The following PTPRD variants were observed in gnomAD, a reference collection of about 807,000 sequenced individuals.
The protein encoded by PTPRD is protein tyrosine phosphatase receptor type D.
Under a neutral mutation model 214.5 loss-of-function variants are expected in PTPRD, and 34 were observed. That is an observed-to-expected ratio of 0.16 (90% confidence interval 0.12 to 0.21). The LOEUF is 0.21. PTPRD is among the 10% of genes least tolerant of loss of function. The pLI is 1.00. For missense variants in PTPRD, 2,545 were observed against 2,398.7 expected (o/e 1.06, Z -1.27); for synonymous variants, 1,128 against 845.7 (o/e 1.33, Z -5.79).
chr9:9,968,527 T>C lies in PTPRD; in HGVS notation c.-471-29917A>G, dbSNP rs551986194. Among the ~76,000 whole-genome samples, 29 of 152,268 alleles carry C rather than the reference T, an allele frequency of 1.9e-4. No individual in the cohort carries two copies. The South Asian group carries it at 5.4e-3, about 28-fold the overall frequency. On this transcript the variant is annotated intron_variant, in intron 4 of 45. Transcript: ENST00000381196. ...GAGCAACTAGTCAATAATCTTGACATAGTGGTCCAGAGAATGCTGTACTTT... is the reference window on the plus strand; with the variant it reads ...GAGCAACTAGTCAATAATCTTGACACAGTGGTCCAGAGAATGCTGTACTTT...
intron 3 of PTPRD, among the ~76,000 whole-genome samples, chr9:10,305,203 T>G (rs533029571): frequency 1.3e-5 from 2 of 151,986 alleles, no homozygotes; most frequent in Non-Finnish European, 2.9e-5. Context: ...AATAGGCATA[T>G]GCAGAAAAAA....
chr9:10,305,206 A>C (rs1208828881), intron 3 of PTPRD, among the ~76,000 whole-genome samples: 1 of 152,110 alleles, frequency 6.6e-6, no homozygotes, highest in Non-Finnish European at 1.5e-5. Context: ...AGGCATATGC[A>C]GAAAAAACTG....
chr9:8,376,544 C>T (rs2134892501), intron 38 of PTPRD, 63 bp downstream of exon 38: 1 of 1,605,050 alleles, frequency 6.2e-7, no homozygotes, highest in Non-Finnish European at 8.5e-7. Flanking sequence ...TTTCATTTCT[C>T]AAAAGAAGCT....
intron 11 of PTPRD, among the ~76,000 whole-genome samples, chr9:8,780,647 G>C (rs1187762021): frequency 6.6e-6 from 1 of 152,164 alleles, no homozygotes; most frequent in Admixed American, 6.5e-5. Context: ...TCAGTCAGTA[G>C]AATGAAAAAC....
chr9:9,732,940 T>C (rs1001478507), intron 7 of PTPRD, among the ~76,000 whole-genome samples: 14 of 151,806 alleles, frequency 9.2e-5, no homozygotes, highest in Non-Finnish European at 1.9e-4. Context: ...AGAAAAAATA[T>C]AATTTCAAGT....
At chr9:9,961,234 T>C (rs953868765) in intron 4 of PTPRD, among the ~76,000 whole-genome samples, 1 of 152,170 alleles carries the variant, frequency 6.6e-6, no homozygotes, top group Non-Finnish European at 1.5e-5. Context: ...AGGATTACTA[T>C]ATGTATCTTG....
intron 12 of PTPRD, among the ~76,000 whole-genome samples, chr9:8,708,704 A>AAAAAAAC (rs748191308): frequency 4.0e-5 from 5 of 123,668 alleles, no homozygotes; most frequent in Non-Finnish European, 3.4e-5. Context: ...AAAAAAAAAA[A>AAAAAAAC]CAGAGCTACC....
chr9:10,155,856 C>T (rs1592636978), intron 3 of PTPRD, among the ~76,000 whole-genome samples: 1 of 151,950 alleles, frequency 6.6e-6, no homozygotes. Context: ...CAAGTATATC[C>T]TTGAGGATTT....
chr9:9,352,316 T>TAC (rs2051579428), intron 9 of PTPRD, among the ~76,000 whole-genome samples: 1 of 105,368 alleles, frequency 9.5e-6, no homozygotes, highest in African/African-American at 2.9e-5. Flanking sequence ...AAACCATATA[T>TAC]ATATATATAT....
intron 2 of PTPRD, among the ~76,000 whole-genome samples, chr9:10,417,630 G>T (rs1228213417): frequency 3.3e-5 from 5 of 151,562 alleles, no homozygotes; most frequent in African/African-American, 4.8e-5. Flanking sequence ...AATAAATATA[G>T]ATTCTGAAGC....
chr9:9,413,782 G>C (rs1269265656), intron 8 of PTPRD, among the ~76,000 whole-genome samples: 2 of 152,124 alleles, frequency 1.3e-5, no homozygotes, highest in Non-Finnish European at 2.9e-5. Context: ...GGATTGTTAA[G>C]ATAAAATTAG....
chr9:10,006,374 A>G (rs934581565), intron 4 of PTPRD, among the ~76,000 whole-genome samples: 9 of 151,964 alleles, frequency 5.9e-5, no homozygotes, highest in Non-Finnish European at 1.0e-4. Context: ...AAATTATGCT[A>G]TATGCTGATC....
chr9:10,594,325 C>T (rs543215544), intron 2 of PTPRD, among the ~76,000 whole-genome samples: 1 of 152,068 alleles, frequency 6.6e-6, no homozygotes, highest in South Asian at 2.1e-4. Flanking sequence ...GTCCTTATTA[C>T]TGACACTAGA....
intron 4 of PTPRD, among the ~76,000 whole-genome samples, chr9:10,022,947 C>A (rs1490951624): frequency 6.6e-6 from 1 of 152,126 alleles, no homozygotes; most frequent in Non-Finnish European, 1.5e-5. Flanking sequence ...ACATCTTATA[C>A]TGGCTTTATA....
chr9:9,511,726 T>C (rs1453745986), intron 8 of PTPRD, among the ~76,000 whole-genome samples: 5 of 151,826 alleles, frequency 3.3e-5, no homozygotes, highest in African/African-American at 1.2e-4. Context: ...ATTAATACTT[T>C]CAAAATTGCC....
chr9:10,439,514 T>C (rs1012902625), intron 2 of PTPRD, among the ~76,000 whole-genome samples: 4 of 151,798 alleles, frequency 2.6e-5, no homozygotes, highest in African/African-American at 9.7e-5. Flanking sequence ...CTTGGACACA[T>C]ATTTAAGGGT....
chr9:10,020,041 A>G (rs533628856), intron 4 of PTPRD, among the ~76,000 whole-genome samples: 74 of 152,336 alleles, frequency 4.9e-4, no homozygotes, highest in African/African-American at 1.8e-3. Context: ...CTTGTTTTAT[A>G]TAACTCAGTT....
At chr9:9,399,278 T>A (rs1036911662) in intron 8 of PTPRD, among the ~76,000 whole-genome samples, 3 of 152,044 alleles carry the variant, frequency 2.0e-5, no homozygotes, top group African/African-American at 7.2e-5. Context: ...GGGAGGACTT[T>A]ATTAGGTTCT....
intron 8 of PTPRD, among the ~76,000 whole-genome samples, chr9:9,457,925 C>T (rs574823103): frequency 2.2e-4 from 34 of 152,012 alleles, no homozygotes; most frequent in Non-Finnish European, 2.1e-4. Context: ...TCCCGTCTAA[C>T]ATTGTCATGT....
Sources: gnomAD v4.1 joint callset for allele counts (sites outside exome capture counted in the v4.1 genomes callset) on GRCh38, gnomAD v4.1.1 for gene constraint, MANE v1.5 for transcripts, NCBI Gene and HGNC (gene_info 2026-07-23, HGNC 2026-07-21) for gene names.